The following DPH6 variants were observed in gnomAD, a reference collection of about 807,000 sequenced individuals.
The protein encoded by DPH6 is diphthamine biosynthesis 6.
In DPH6, 33 loss-of-function variants were observed where a neutral mutation model predicts 38.2. The ratio of observed to expected loss-of-function variants is 0.86; its 90% CI spans 0.65 to 1.15. DPH6 has a LOEUF of 1.15. DPH6 is among the 50% of genes most tolerant of loss of function. The probability of loss-of-function intolerance (pLI) is 0.00; values close to 1 mark genes in which losing one functional copy is unlikely to be tolerated. For missense variants in DPH6, 325 were observed against 320.0 expected (o/e 1.02, Z -0.12); for synonymous variants, 108 against 103.0 (o/e 1.05, Z -0.30).
intron 3 of DPH6, among the ~76,000 whole-genome samples, chr15:35,297,247 T>C (rs970002061): frequency 6.6e-6 from 1 of 152,182 alleles, no homozygotes; most frequent in Non-Finnish European, 1.5e-5. Flanking sequence ...TGTCCTCAAC[T>C]TTCTGTCAAC....
chr15:35,452,485 A>ATCTC (rs58439057), intron 4 of DPH6, among the ~76,000 whole-genome samples: 111 of 149,894 alleles, frequency 7.4e-4, no homozygotes, highest in African/African-American at 2.0e-3. Flanking sequence ...GCCTATATTG[A>ATCTC]TCTCTCTCTC....
At chr15:35,226,343 G>A (rs965562696) in intron 3 of DPH6, among the ~76,000 whole-genome samples, 4 of 151,994 alleles carry the variant, frequency 2.6e-5, no homozygotes, top group African/African-American at 9.7e-5. Flanking sequence ...CCTTTACTCA[G>A]TCTTTACATA....
the DPH6 span, among the ~76,000 whole-genome samples, chr15:35,208,449 A>G: frequency 4.2e-4 from 64 of 152,342 alleles, 1 homozygote; most frequent in African/African-American, 1.4e-3. Flanking sequence ...AGAGGCAGCT[A>G]GAGCTGACTG....
chr15:35,447,717 T>A (rs939467046), intron 5 of DPH6, among the ~76,000 whole-genome samples: 1 of 152,178 alleles, frequency 6.6e-6, no homozygotes, highest in South Asian at 2.1e-4. Flanking sequence ...TGTATTGATA[T>A]TGTGTTTTGT....
At chr15:35,457,236 T>G (rs2054008759) in intron 3 of DPH6, among the ~76,000 whole-genome samples, 1 of 152,118 alleles carries the variant, frequency 6.6e-6, no homozygotes, top group Non-Finnish European at 1.5e-5. Flanking sequence ...ATGACAAGCT[T>G]GAGCCATCGT....
chr15:35,242,430 C>T (rs2051607181), intron 3 of DPH6, among the ~76,000 whole-genome samples: 1 of 142,866 alleles, frequency 7.0e-6, no homozygotes, highest in Non-Finnish European at 1.5e-5. Flanking sequence ...CAGCGGCTGC[C>T]GCTGCTTTAA....
At chr15:35,340,423 A>C (rs998433848) in intron 3 of DPH6, among the ~76,000 whole-genome samples, 2 of 152,156 alleles carry the variant, frequency 1.3e-5, no homozygotes, top group African/African-American at 4.8e-5. Flanking sequence ...TGTCATCATG[A>C]AGCTAGCTGG....
chr15:35,177,784 T>C, the DPH6 span, among the ~76,000 whole-genome samples: 1 of 151,496 alleles, frequency 6.6e-6, no homozygotes, highest in Non-Finnish European at 1.5e-5. Flanking sequence ...CTACTAAAAA[T>C]ACAAAAAATT....
chr15:35,181,386 C>T, the DPH6 span, among the ~76,000 whole-genome samples: 4 of 112,068 alleles, frequency 3.6e-5, no homozygotes, highest in South Asian at 3.2e-4. Context: ...CATATGTAAA[C>T]GCAGGCACTA....
intron 3 of DPH6, among the ~76,000 whole-genome samples, chr15:35,348,133 C>T (rs892239397): frequency 5.3e-5 from 8 of 152,042 alleles, no homozygotes; most frequent in Non-Finnish European, 1.2e-4. Flanking sequence ...TCATTTGCTG[C>T]ACCAAAGTTT....
At chr15:35,458,856 T>G (rs2141099575) in intron 3 of DPH6, among the ~76,000 whole-genome samples, 1 of 152,280 alleles carries the variant, frequency 6.6e-6, no homozygotes, top group East Asian at 1.9e-4. Context: ...TCAAAACCAG[T>G]GAAACTGGTA....
At chr15:35,372,519 C>T (rs1420872614) in intron 8 of DPH6, among the ~76,000 whole-genome samples, 1 of 151,788 alleles carries the variant, frequency 6.6e-6, no homozygotes, top group Non-Finnish European at 1.5e-5. Flanking sequence ...GTTAGGGGTT[C>T]AAGTAAATCT....
At chr15:35,254,089 A>C (rs1207460580) in intron 3 of DPH6, among the ~76,000 whole-genome samples, 1 of 152,240 alleles carries the variant, frequency 6.6e-6, no homozygotes, top group Non-Finnish European at 1.5e-5. Flanking sequence ...GGTGTTTAAT[A>C]ATCTATTATT....
chr15:35,257,436 GGTT>G (rs2051715703), intron 3 of DPH6, among the ~76,000 whole-genome samples: 2 of 152,122 alleles, frequency 1.3e-5, no homozygotes, highest in South Asian at 2.1e-4. Context: ...TTCTTCAAAA[GGTT>G]GTTGATTGGA....
At chr15:35,439,789 A>T (rs2053764146) in intron 5 of DPH6, among the ~76,000 whole-genome samples, 1 of 152,096 alleles carries the variant, frequency 6.6e-6, no homozygotes, top group Non-Finnish European at 1.5e-5. Flanking sequence ...AAAAAAGGAA[A>T]AAAAAAAAAG....
At chr15:35,381,547 C>T (rs1182360651) in intron 7 of DPH6, among the ~76,000 whole-genome samples, 2 of 152,108 alleles carry the variant, frequency 1.3e-5, no homozygotes, top group African/African-American at 2.4e-5. Context: ...ATAAAAGTGT[C>T]GGTGTGTAGG....
chr15:35,433,509 A>G (rs1232706267), intron 5 of DPH6, among the ~76,000 whole-genome samples: 2 of 152,220 alleles, frequency 1.3e-5, no homozygotes, highest in African/African-American at 4.8e-5. Context: ...GTTGGCAAGT[A>G]TGTTCCATAA....
chr15:35,190,012 A>C, the DPH6 span, among the ~76,000 whole-genome samples: 1 of 152,214 alleles, frequency 6.6e-6, no homozygotes, highest in Admixed American at 6.5e-5. Context: ...TGTAATAGAT[A>C]ATAAAATTTC....
rs1380288952 is a variant in DPH6 at position 35,273,118 on chromosome 15, C to T, written n.201-52536G>A. On this transcript the variant is annotated intron_variant and non_coding_transcript_variant, in intron 3 of 3. Coordinates refer to the DPH6 transcript ENST00000560386. The stretch of plus-strand genomic sequence containing the variant: ...AAACCTCTTTTCTTCATAAATTACA[C>T]AGCCTAAGGTATTTCTTTAAAATTA... 5.9e-5 allele frequency among the ~76,000 whole-genome samples: 9 copies of T among 152,020 alleles called. No homozygotes were observed. The South Asian group carries it at 1.2e-3, about 21-fold the overall frequency.
Sources: allele counts gnomAD v4.1 joint callset (sites outside exome capture counted in the v4.1 genomes callset), GRCh38; gene constraint gnomAD v4.1.1; transcripts MANE v1.5; gene names NCBI Gene and HGNC (gene_info 2026-07-23, HGNC 2026-07-21).